Variants in LRRC69 observed in about 807,000 individuals in gnomAD.
The protein encoded by LRRC69 is leucine-rich repeat-containing protein 69.
A neutral mutation model predicts 37.8 loss-of-function variants in LRRC69; 42 were observed. The ratio of observed to expected loss-of-function variants is 1.11; its 90% CI spans 0.87 to 1.44. LRRC69 has a LOEUF of 1.44. Among genes scored for constraint, LRRC69 ranks in the 40% most tolerant of loss-of-function variants. LRRC69 has a pLI of 0.00. For synonymous variants in LRRC69, 141 were observed against 143.1 expected (o/e 0.99, Z 0.11); for missense variants, 357 against 401.9 (o/e 0.89, Z 0.96).
intron 5 of LRRC69, among the ~76,000 whole-genome samples, chr8:91,163,184 A>C (rs911157189): frequency 6.6e-6 from 1 of 151,372 alleles, no homozygotes. Context: ...ACTCTATGAC[A>C]TCAAATTTTA....
chr8:91,159,718 G>T (rs1457693389), intron 5 of LRRC69, among the ~76,000 whole-genome samples: 4 of 151,050 alleles, frequency 2.6e-5, no homozygotes, highest in Admixed American at 2.0e-4. Context: ...AAAGTAAAAA[G>T]AAAAGGAACA....
intron 5 of LRRC69, among the ~76,000 whole-genome samples, chr8:91,163,369 C>CATA (rs1808978203): frequency 6.6e-6 from 1 of 151,326 alleles, no homozygotes; most frequent in Non-Finnish European, 1.5e-5. Context: ...CAAGAGCAGT[C>CATA]CTTGGCAAAT....
At chr8:91,108,507 A>G (rs1813357791) in intron 1 of LRRC69, among the ~76,000 whole-genome samples, 1 of 152,018 alleles carries the variant, frequency 6.6e-6, no homozygotes, top group Non-Finnish European at 1.5e-5. Context: ...GTAAAGGAGA[A>G]TTGTGTTGTA....
At chr8:91,126,203 T>C (rs544779392) in intron 2 of LRRC69, among the ~76,000 whole-genome samples, 2 of 152,118 alleles carry the variant, frequency 1.3e-5, no homozygotes, top group South Asian at 4.1e-4. Flanking sequence ...CCAGAGCAGA[T>C]TGATCAGGGC....
chr8:91,179,443 C>T (rs1809287475), intron 5 of LRRC69, among the ~76,000 whole-genome samples: 1 of 152,300 alleles, frequency 6.6e-6, no homozygotes, highest in East Asian at 1.9e-4. Flanking sequence ...TCATGAGAAA[C>T]ATCTCCATGA....
chr8:91,196,800 G>A (rs1046851409), intron 6 of LRRC69, among the ~76,000 whole-genome samples: 14 of 151,822 alleles, frequency 9.2e-5, no homozygotes, highest in Admixed American at 2.0e-4. Flanking sequence ...ATGTCCTCCC[G>A]TAGCTCAGAG....
chr8:91,203,890 C>T (rs375906243), intron 7 of LRRC69, among the ~76,000 whole-genome samples: 14 of 151,262 alleles, frequency 9.3e-5, no homozygotes, highest in East Asian at 2.0e-4. Context: ...GAGGCTGAGG[C>T]GGGCAGATCA....
intron 7 of LRRC69, among the ~76,000 whole-genome samples, chr8:91,215,088 G>A (rs1452672768): frequency 6.6e-6 from 1 of 151,830 alleles, no homozygotes; most frequent in Admixed American, 6.6e-5. Context: ...TGATTACATG[G>A]CGCCCACCTA....
At chr8:91,137,537 C>A (rs1237308063) in intron 5 of LRRC69, among the ~76,000 whole-genome samples, 1 of 152,018 alleles carries the variant, frequency 6.6e-6, no homozygotes, top group Admixed American at 6.6e-5. Context: ...TCACCTTTCA[C>A]CTTCGTAGTC....
At chr8:91,161,697 A>G (rs538172253) in intron 5 of LRRC69, among the ~76,000 whole-genome samples, 4 of 151,216 alleles carry the variant, frequency 2.6e-5, no homozygotes, top group South Asian at 2.1e-4. Flanking sequence ...GTCTAATGCC[A>G]TGTTGATTTT....
At chr8:91,107,917 TACTA>T (rs1339213000) in intron 1 of LRRC69, among the ~76,000 whole-genome samples, 1 of 152,086 alleles carries the variant, frequency 6.6e-6, no homozygotes, top group Non-Finnish European at 1.5e-5. Flanking sequence ...GCTTTTTACT[TACTA>T]ACTCATATAA....
chr8:91,193,788 C>T (rs1809544691), intron 6 of LRRC69, among the ~76,000 whole-genome samples: 1 of 142,814 alleles, frequency 7.0e-6, no homozygotes, highest in Admixed American at 7.2e-5. Context: ...ATCATGTCGT[C>T]TGCAAACAGG....
chr8:91,166,859 ACCAAACG>A (rs1809039710), intron 5 of LRRC69, among the ~76,000 whole-genome samples: 1 of 151,914 alleles, frequency 6.6e-6, no homozygotes, highest in South Asian at 2.1e-4. Flanking sequence ...AAGACTGCCA[ACCAAACG>A]CTGTTATTTA....
At position 91,135,461 on chromosome 8, in the gene LRRC69, A is replaced by C. The variant is rs532796239; in HGVS notation, c.580-207A>C. ...CAGTGGCCATGTTATGTTGCCCTGG[A>C]GTGGTCAGAGGAAATGAAGAATTCA... is the stretch of plus-strand genomic sequence containing the variant. On this transcript the variant is annotated intron_variant, in intron 4 of 7. Coordinates refer to ENST00000448384, the Ensembl canonical transcript of LRRC69. Among the ~76,000 whole-genome samples, 99 of 152,136 alleles carry C rather than the reference A, an allele frequency of 6.5e-4. 1 individual carries two copies. The highest frequency in any genetic ancestry group is 2.3e-3 in the African/African-American group (96 of 41,568).
chr8:91,119,038 T>A (rs1335765306), intron 1 of LRRC69, among the ~76,000 whole-genome samples: 1 of 152,106 alleles, frequency 6.6e-6, no homozygotes, highest in African/African-American at 2.4e-5. Context: ...TATTCATTTG[T>A]TTACTTATTT....
At chr8:91,139,602 G>A (rs565086201) in intron 5 of LRRC69, among the ~76,000 whole-genome samples, 4 of 151,362 alleles carry the variant, frequency 2.6e-5, no homozygotes, top group African/African-American at 9.7e-5. Flanking sequence ...AGCTTGCAGT[G>A]AGCCGAGATT....
At chr8:91,190,373 CTT>C (rs2130611121) in intron 6 of LRRC69, among the ~76,000 whole-genome samples, 1 of 151,186 alleles carries the variant, frequency 6.6e-6, no homozygotes, top group South Asian at 2.1e-4. Context: ...CTTATACTGA[CTT>C]TTAAAAAGTT....
At chr8:91,214,061 T>C (rs1809990689) in intron 7 of LRRC69, among the ~76,000 whole-genome samples, 1 of 152,068 alleles carries the variant, frequency 6.6e-6, no homozygotes, top group Non-Finnish European at 1.5e-5. Context: ...TTGGCAATAG[T>C]GTGCTGGCTT....
chr8:91,135,508 T>G (rs567409570), intron 4 of LRRC69, among the ~76,000 whole-genome samples, 160 bp from the exon 5 acceptor site: 1 of 152,078 alleles, frequency 6.6e-6, no homozygotes, highest in African/African-American at 2.4e-5. Flanking sequence ...GTCCAGGATA[T>G]GGGGGTCTGC....
Sources: allele counts gnomAD v4.1 joint callset (sites outside exome capture counted in the v4.1 genomes callset), GRCh38; gene constraint gnomAD v4.1.1; transcripts MANE v1.5; gene names NCBI Gene and HGNC (gene_info 2026-07-23, HGNC 2026-07-21).